The following FMNL2 variants were observed in gnomAD, a reference collection of about 807,000 sequenced individuals.
FMNL2 encodes the protein formin-like protein 2.
A neutral mutation model predicts 130.2 loss-of-function variants in FMNL2; 51 were observed. That is an observed-to-expected ratio of 0.39 (90% confidence interval 0.31 to 0.49). The LOEUF (loss-of-function observed/expected upper bound fraction) is 0.49. Ranked by LOEUF, FMNL2 falls within the 20% of genes least tolerant of loss-of-function variation. The pLI is 0.85. For missense variants in FMNL2, 977 were observed against 1,316.2 expected, an observed-to-expected ratio of 0.74 and a Z score of 3.99; for synonymous variants, 465 against 467.1, an observed-to-expected ratio of 1.00 and a Z score of 0.06.
intron 9 of FMNL2, among the ~76,000 whole-genome samples, chr2:152,593,606 G>A (rs772698987): frequency 2.9e-4 from 44 of 152,276 alleles, no homozygotes; most frequent in Non-Finnish European, 2.2e-4. Flanking sequence ...CCGAATATGA[G>A]AATGGACACG....
chr2:152,566,308 T>C (rs977990301), intron 6 of FMNL2, among the ~76,000 whole-genome samples: 4 of 152,232 alleles, frequency 2.6e-5, no homozygotes, highest in African/African-American at 7.2e-5. Context: ...GTAATTTTTA[T>C]TGGTGAGAAA....
chr2:152,395,368 G>T (rs979290468), intron 1 of FMNL2, among the ~76,000 whole-genome samples: 1 of 152,218 alleles, frequency 6.6e-6, no homozygotes, highest in Non-Finnish European at 1.5e-5. Flanking sequence ...AGAACTAAAT[G>T]TCTTAATCCT....
At chr2:152,342,047 TCTC>T (rs1681841030) in intron 1 of FMNL2, among the ~76,000 whole-genome samples, 1 of 152,114 alleles carries the variant, frequency 6.6e-6, no homozygotes, top group Non-Finnish European at 1.5e-5. Context: ...TGGGGAAAGA[TCTC>T]CTGGTAGGTG....
chr2:152,426,202 G>A (rs1283406541), intron 1 of FMNL2, among the ~76,000 whole-genome samples: 6 of 152,194 alleles, frequency 3.9e-5, no homozygotes, highest in African/African-American at 1.4e-4. Context: ...TGAGCTGTGT[G>A]TCATTGGCTA....
chr2:152,471,230 T>G (rs1689843305), intron 1 of FMNL2, among the ~76,000 whole-genome samples: 1 of 152,160 alleles, frequency 6.6e-6, no homozygotes, highest in South Asian at 2.1e-4. Context: ...CATTTTGCTC[T>G]TTGTACCGTT....
At chr2:152,501,267 T>C (rs1691816747) in intron 1 of FMNL2, among the ~76,000 whole-genome samples, 1 of 152,216 alleles carries the variant, frequency 6.6e-6, no homozygotes, top group African/African-American at 2.4e-5. Flanking sequence ...CCTTGCTATA[T>C]TGTTGATGTA....
intron 1 of FMNL2, among the ~76,000 whole-genome samples, chr2:152,354,121 C>A (rs147211574): frequency 2.2e-3 from 337 of 152,304 alleles, no homozygotes; most frequent in African/African-American, 7.8e-3. Flanking sequence ...ATTTCAGAGC[C>A]TAATGGAAGT....
chr2:152,446,439 A>G, intron 1 of FMNL2, among the ~76,000 whole-genome samples: 1 of 152,182 alleles, frequency 6.6e-6, no homozygotes, highest in Non-Finnish European at 1.5e-5. Context: ...AGATTGCAAA[A>G]TGTTGATGAT....
chr2:152,590,008 T>TGTATATATGTATATATATAC (rs1697335458), intron 9 of FMNL2, among the ~76,000 whole-genome samples: 1 of 86,834 alleles, frequency 1.2e-5, no homozygotes, highest in Admixed American at 1.2e-4. Context: ...TATATATATA[T>TGTATATATGTATATATATAC]ACATATACAT....
chr2:152,422,645 C>T (rs907315211), intron 1 of FMNL2, among the ~76,000 whole-genome samples: 1 of 152,178 alleles, frequency 6.6e-6, no homozygotes, highest in Non-Finnish European at 1.5e-5. Context: ...CCTCCTATCT[C>T]AGCCTCCCCA....
intron 1 of FMNL2, among the ~76,000 whole-genome samples, chr2:152,456,100 C>G (rs1558878110): frequency 6.6e-6 from 1 of 152,180 alleles, no homozygotes; most frequent in South Asian, 2.1e-4. Flanking sequence ...AAAGGTAGAA[C>G]ATTAGATAAA....
intron 1 of FMNL2, among the ~76,000 whole-genome samples, chr2:152,504,383 A>G (rs1489171212): frequency 2.0e-5 from 3 of 151,524 alleles, no homozygotes; most frequent in Non-Finnish European, 2.9e-5. Context: ...AGTAGCTGGG[A>G]TTACAGGCAT....
intron 1 of FMNL2, among the ~76,000 whole-genome samples, chr2:152,462,299 C>T (rs554370324): frequency 6.6e-6 from 1 of 152,246 alleles, no homozygotes; most frequent in South Asian, 2.1e-4. Context: ...AAAGGAGCCA[C>T]AATTTGAATT....
At chr2:152,638,514 G>T (rs552926629) in intron 23 of FMNL2, among the ~76,000 whole-genome samples, 33 of 152,338 alleles carry the variant, frequency 2.2e-4, no homozygotes, top group African/African-American at 7.2e-4. Flanking sequence ...ACTAGGGGCT[G>T]AAGGCTCTGG....
intron 2 of FMNL2, among the ~76,000 whole-genome samples, chr2:152,525,498 AT>A (rs1040913073): frequency 2.6e-5 from 4 of 152,116 alleles, no homozygotes; most frequent in African/African-American, 9.7e-5. Context: ...TTCTGTGGTG[AT>A]TTGGCATGAG....
intron 4 of FMNL2, among the ~76,000 whole-genome samples, chr2:152,556,640 G>T (rs1197461304): frequency 6.6e-6 from 1 of 152,114 alleles, no homozygotes; most frequent in East Asian, 1.9e-4. Context: ...TCTTCTGTAG[G>T]TCACTTGCCT....
intron 9 of FMNL2, among the ~76,000 whole-genome samples, chr2:152,592,812 A>G (rs1394230523): frequency 1.3e-5 from 2 of 152,220 alleles, no homozygotes; most frequent in Non-Finnish European, 2.9e-5. Context: ...GTTCATATAC[A>G]GCCTTACATA....
At position 152,568,218 on chromosome 2, in the gene FMNL2, G is replaced by GTTTTTTTTTTTTTTTTTTTTTTT. The variant is rs1177965681; in HGVS notation, c.597-6903_597-6902insTTTTTTTTTTTTTTTTTTTTTTT. On this transcript the variant is annotated intron_variant, in intron 6 of 25. Coordinates refer to ENST00000288670, the MANE Select transcript of FMNL2 (RefSeq NM_052905.4). ...TGAGCAACGGCTTCCATTTTGGTGG[G>GTTTTTTTTTTTTTTTTTTTTTTT]TTTTTTTTTTTTTTTGAGACGGAGT... 4.8e-3 allele frequency among the ~76,000 whole-genome samples: 166 copies of GTTTTTTTTTTTTTTTTTTTTTTT among 34,824 alleles called. 9 individuals carry two copies. Among genetic ancestry groups the GTTTTTTTTTTTTTTTTTTTTTTT allele is most frequent in the African/African-American group, 0.013 (160 of 11,868 alleles). 22.8% of individuals were successfully genotyped at this position (34,824 alleles called of 152,430 possible). A position where few individuals can be genotyped will look rare whatever the true frequency, so the allele number is the denominator to read the frequency against.
chr2:152,356,688 C>T (rs140739851), intron 1 of FMNL2, among the ~76,000 whole-genome samples: 347 of 150,298 alleles, frequency 2.3e-3, no homozygotes, highest in African/African-American at 7.9e-3. Context: ...ATACTGTACA[C>T]GTGTATCCTT....
Sources: gnomAD v4.1 joint callset for allele counts (sites outside exome capture counted in the v4.1 genomes callset) on GRCh38, gnomAD v4.1.1 for gene constraint, MANE v1.5 for transcripts, NCBI Gene and HGNC (gene_info 2026-07-23, HGNC 2026-07-21) for gene names.